The following SLC30A7 variants were observed in gnomAD, a reference collection of about 807,000 sequenced individuals.
SLC30A7 encodes the protein zinc transporter 7.
SLC30A7 carries 35 observed loss-of-function variants against 46.0 expected under a neutral mutation model. The observed-to-expected ratio is 0.76, with a 90% CI of 0.58 to 1.01. The LOEUF is 1.01. Ranked by LOEUF, SLC30A7 falls within the 50% of genes least tolerant of loss-of-function variation. The pLI, the probability that SLC30A7 is intolerant of heterozygous loss-of-function variation, is 0.00. For missense variants in SLC30A7, 464 were observed against 451.1 expected, an observed-to-expected ratio of 1.03 and a Z score of -0.26; for synonymous variants, 147 against 157.8, an observed-to-expected ratio of 0.93 and a Z score of 0.51.
intron 8 of SLC30A7, among the ~76,000 whole-genome samples, chr1:100,927,738 G>A (rs1479966935): frequency 1.3e-5 from 2 of 152,164 alleles, no homozygotes; most frequent in East Asian, 3.8e-4. Flanking sequence ...TGAGAAAGGG[G>A]CAAGGCAGGG....
rs763433869 is a variant in SLC30A7 at position 100,911,162 on chromosome 1, AATT to A, written c.384+17_384+19del. On this transcript the variant is annotated intron_variant, in intron 4 of 10. Coordinates refer to ENST00000357650, the MANE Select transcript of SLC30A7 (RefSeq NM_133496.5). ...CAGAAGGAGTTGAGGTATAGTAGAT[AATT>A]ATTAAAGTCAGTAAATTACATTTCT... 6.5e-7 allele frequency: 1 copy of A among 1,535,636 alleles called. No homozygotes were observed. Among genetic ancestry groups the A allele is most frequent in the South Asian group, 1.2e-5 (1 of 85,390 alleles).
At chr1:100,982,385 A>C (rs138760753), downstream of SLC30A7, among the ~76,000 whole-genome samples, 3 of 152,314 alleles carry the variant, frequency 2.0e-5, no homozygotes, top group African/African-American at 7.2e-5. Flanking sequence ...TATTTCGTAG[A>C]AGTTGCTTCA....
intron 2 of SLC30A7, among the ~76,000 whole-genome samples, 180 bp from the exon 3 acceptor site, chr1:100,906,672 A>G (rs1174337523): frequency 1.3e-5 from 2 of 152,174 alleles, no homozygotes; most frequent in East Asian, 1.9e-4. Context: ...TGCAGGAGGT[A>G]CGAGGGTTTA....
At chr1:100,942,865 A>G (rs907055126) in intron 8 of SLC30A7, among the ~76,000 whole-genome samples, 4 of 152,194 alleles carry the variant, frequency 2.6e-5, no homozygotes, top group African/African-American at 4.8e-5. Flanking sequence ...CAGTGAAGAG[A>G]GAATGGGGCT....
chr1:100,905,626 G>A (rs928415218), intron 2 of SLC30A7, among the ~76,000 whole-genome samples: 2 of 151,690 alleles, frequency 1.3e-5, no homozygotes, highest in African/African-American at 4.8e-5. Context: ...TCTTTGTGTT[G>A]CACTTTGTTT....
intron 6 of SLC30A7, among the ~76,000 whole-genome samples, chr1:100,916,066 G>A (rs147628072): frequency 0.023 from 3,454 of 151,918 alleles, 120 homozygotes; most frequent in African/African-American, 0.075. Context: ...CTATTTGTAT[G>A]TCTTCTTTGG....
intron 10 of SLC30A7, among the ~76,000 whole-genome samples, chr1:100,968,842 T>C (rs1181175210): frequency 6.6e-6 from 1 of 152,234 alleles, no homozygotes; most frequent in African/African-American, 2.4e-5. Context: ...ATGTGTATAA[T>C]GAATTTGTTA....
intron 6 of SLC30A7, 68 bp downstream of exon 6, chr1:100,913,874 A>T: frequency 6.4e-7 from 1 of 1,551,966 alleles, no homozygotes. Context: ...TACTTTTCCT[A>T]GTTGAAATAG....
At chr1:100,960,420 G>A (rs1655473454) in intron 8 of SLC30A7, among the ~76,000 whole-genome samples, 1 of 152,056 alleles carries the variant, frequency 6.6e-6, no homozygotes, top group Non-Finnish European at 1.5e-5. Flanking sequence ...ACCAACAATT[G>A]GGCCCACTTT....
At chr1:100,988,928 A>G in the SLC30A7 span, among the ~76,000 whole-genome samples, 1 of 152,192 alleles carries the variant, frequency 6.6e-6, no homozygotes, top group South Asian at 2.1e-4. Context: ...TTCTTATCTC[A>G]AATGAAGTAA....
chr1:100,962,044 A>G (rs559817265), intron 9 of SLC30A7, 126 bp downstream of exon 9: 3 of 534,792 alleles, frequency 5.6e-6, no homozygotes, highest in South Asian at 6.2e-5. Flanking sequence ...AATGCTGACC[A>G]TGAAATGTCA....
chr1:100,957,202 A>G (rs935764933), intron 8 of SLC30A7, among the ~76,000 whole-genome samples: 2 of 152,152 alleles, frequency 1.3e-5, no homozygotes, highest in South Asian at 2.1e-4. Context: ...CATTGCCACA[A>G]CTCGAGAGTA....
At chr1:100,928,268 CAAG>C (rs1436316597) in intron 8 of SLC30A7, among the ~76,000 whole-genome samples, 2 of 152,048 alleles carry the variant, frequency 1.3e-5, no homozygotes, top group East Asian at 3.9e-4. Context: ...TAGTGACAAG[CAAG>C]AAGGACATCT....
chr1:100,909,602 G>A (rs558176613), intron 3 of SLC30A7, among the ~76,000 whole-genome samples: 30 of 152,162 alleles, frequency 2.0e-4, no homozygotes, highest in African/African-American at 7.0e-4. Flanking sequence ...ATTTGTAAAG[G>A]CAAATGTGTT....
chr1:100,957,857 CTT>C (rs965966124), intron 8 of SLC30A7, among the ~76,000 whole-genome samples: 16 of 151,264 alleles, frequency 1.1e-4, no homozygotes, highest in African/African-American at 3.6e-4. Flanking sequence ...GTGATGGATT[CTT>C]TTTTTTTCCT....
At chr1:100,911,481 T>A (rs531913256) in intron 4 of SLC30A7, among the ~76,000 whole-genome samples, 4 of 152,316 alleles carry the variant, frequency 2.6e-5, no homozygotes, top group Non-Finnish European at 4.4e-5. Flanking sequence ...ACATTTGGCG[T>A]ATTTTTTAAA....
chr1:100,945,347 A>G (rs1018713044), intron 8 of SLC30A7, among the ~76,000 whole-genome samples: 5 of 152,132 alleles, frequency 3.3e-5, no homozygotes, highest in African/African-American at 9.7e-5. Context: ...TGTTTTAGTC[A>G]TGAAGTCCTT....
chr1:100,912,221 G>C lies in SLC30A7; in HGVS notation c.494G>C (p.Gly165Ala). 6.2e-7 allele frequency: 1 copy of C among 1,613,958 alleles called. No homozygotes were observed. Among genetic ancestry groups the C allele is most frequent in the Non-Finnish European group, 8.5e-7 (1 of 1,179,912 alleles). ...TTTGTTTTCAAACATGGAGGTCATG[G>C]ACATTCTCATGGCTCTGGTATGATG... ...GIFVFKHGGHGHSHGSGHGHS... is the reference protein window; with the variant it reads ...GIFVFKHGGHAHSHGSGHGHS... Residue 165 changes from glycine (G) to alanine (A), a missense_variant, in exon 5 of 11, where the codon GGA becomes GCA. Transcript: ENST00000357650.
intron 6 of SLC30A7, 44 bp from the exon 7 acceptor site, chr1:100,918,033 T>C (rs560752129): frequency 6.6e-7 from 1 of 1,524,512 alleles, no homozygotes; most frequent in South Asian, 1.2e-5. Flanking sequence ...AAAACTTGAA[T>C]GAGGAATTGA....
Sources: gnomAD v4.1 joint callset for allele counts (sites outside exome capture counted in the v4.1 genomes callset) on GRCh38, gnomAD v4.1.1 for gene constraint, MANE v1.5 for transcripts, NCBI Gene and HGNC (gene_info 2026-07-23, HGNC 2026-07-21) for gene names.